NR2C2: variants seen among roughly 807,000 people sequenced by gnomAD.
The protein encoded by NR2C2 is Nuclear hormone receptor TR4.
In NR2C2, 6 loss-of-function variants were observed where a neutral mutation model predicts 62.9. That is an observed-to-expected ratio of 0.10 (90% CI 0.05 to 0.19). NR2C2 has a LOEUF of 0.19. Among genes scored for constraint, NR2C2 ranks in the 10% least tolerant of loss-of-function variants. The pLI is 1.00. For synonymous variants in NR2C2, 272 were observed against 273.8 expected (o/e 0.99, Z 0.07); for missense variants, 479 against 762.7 (o/e 0.63, Z 4.38).
chr3:15,012,852 G>T (rs898410497), intron 2 of NR2C2, among the ~76,000 whole-genome samples: 11 of 152,240 alleles, frequency 7.2e-5, no homozygotes, highest in Non-Finnish European at 1.6e-4. Flanking sequence ...CAAGGACTGT[G>T]TGAAGAAGTG....
chr3:14,971,615 G>T (rs1308527441), intron 1 of NR2C2, among the ~76,000 whole-genome samples: 3 of 151,500 alleles, frequency 2.0e-5, no homozygotes, highest in East Asian at 3.9e-4. Flanking sequence ...GTGCACAAGG[G>T]TTCTAGTTTC....
At chr3:15,038,837 G>A (rs2042175321) in intron 12 of NR2C2, 2 of 310,980 alleles carry the variant, frequency 6.4e-6, no homozygotes, top group East Asian at 5.2e-5. Flanking sequence ...TTAAAACTAT[G>A]TGTTTTCTAG....
At chr3:14,993,297 T>TA (rs1401289331) in intron 1 of NR2C2, among the ~76,000 whole-genome samples, 1 of 151,790 alleles carries the variant, frequency 6.6e-6, no homozygotes, top group Non-Finnish European at 1.5e-5. Flanking sequence ...CTACTAAAAA[T>TA]ACAAAAATTA....
At chr3:14,968,321 A>G (rs1416239188) in intron 1 of NR2C2, among the ~76,000 whole-genome samples, 3 of 152,230 alleles carry the variant, frequency 2.0e-5, no homozygotes, top group Non-Finnish European at 2.9e-5. Context: ...AAAAGTGGGC[A>G]AAGGACATGA....
At chr3:15,032,562 C>A in intron 10 of NR2C2, 62 bp downstream of exon 10, 1 of 1,599,606 alleles carries the variant, frequency 6.3e-7, no homozygotes, top group East Asian at 2.2e-5. Flanking sequence ...CTAGGAATGA[C>A]CTGGAAGAAC....
intron 1 of NR2C2, among the ~76,000 whole-genome samples, chr3:14,974,251 GTC>G (rs1217634228): frequency 1.3e-5 from 2 of 152,116 alleles, no homozygotes; most frequent in Non-Finnish European, 2.9e-5. Context: ...TTGTTTGTAT[GTC>G]TCTCTTTATG....
intron 13 of NR2C2, among the ~76,000 whole-genome samples, chr3:15,040,639 G>C (rs1361597203): frequency 6.6e-6 from 1 of 152,228 alleles, no homozygotes; most frequent in Non-Finnish European, 1.5e-5. Context: ...CTTATGGCTG[G>C]CTGGTCCTGC....
chr3:14,973,758 GCTCT>G lies in NR2C2; in HGVS notation c.-40+25858_-40+25861del, dbSNP rs1054358841. The stretch of plus-strand genomic sequence containing the variant: ...ACATATATTCACAGATTTATTTCTG[GCTCT>G]CTCTCCTTTTTTTTTCCTCTAATAT... On this transcript the variant is annotated intron_variant, in intron 1 of 13. Coordinates refer to ENST00000425241, the MANE Select transcript of NR2C2 (RefSeq NM_001291694.2). Among the ~76,000 whole-genome samples the G allele has an allele frequency of 2.2e-4, 33 of 151,980 alleles. 1 individual carries two copies. Among genetic ancestry groups the G allele is most frequent in the African/African-American group, 7.0e-4 (29 of 41,428 alleles).
intron 1 of NR2C2, among the ~76,000 whole-genome samples, chr3:14,951,791 A>G (rs2039369659): frequency 6.6e-6 from 1 of 151,838 alleles, no homozygotes; most frequent in Non-Finnish European, 1.5e-5. Flanking sequence ...TCTGTCACCC[A>G]GGCTGGAGTG....
chr3:14,963,561 T>C (rs957381759), intron 1 of NR2C2, among the ~76,000 whole-genome samples: 2 of 152,078 alleles, frequency 1.3e-5, no homozygotes, highest in Non-Finnish European at 2.9e-5. Context: ...CTCCGCTTCC[T>C]GGGTTCACAC....
At chr3:15,032,231 G>T in intron 9 of NR2C2, 148 bp from the exon 10 acceptor site, 1 of 1,078,954 alleles carries the variant, frequency 9.3e-7, no homozygotes, top group Non-Finnish European at 1.4e-6. Flanking sequence ...GGGAGTCCGT[G>T]CAAGCCCCCC....
intron 1 of NR2C2, among the ~76,000 whole-genome samples, chr3:14,979,183 TC>T (rs1197055479): frequency 6.6e-6 from 1 of 152,210 alleles, no homozygotes; most frequent in African/African-American, 2.4e-5. Context: ...TTGTTTTTGT[TC>T]CTTTACTCAT....
chr3:15,011,170 CA>C (rs1403406543), intron 2 of NR2C2, among the ~76,000 whole-genome samples: 3 of 151,984 alleles, frequency 2.0e-5, no homozygotes, highest in Admixed American at 1.3e-4. Flanking sequence ...TCCATCTCCA[CA>C]AAAAAATTTT....
chr3:15,020,664 G>A (rs551072416), intron 4 of NR2C2, 89 bp from the exon 5 acceptor site: 12 of 1,470,524 alleles, frequency 8.2e-6, no homozygotes, highest in Non-Finnish European at 1.1e-5. Context: ...TCACTTCAAT[G>A]AGACTTGCAC....
intron 9 of NR2C2, among the ~76,000 whole-genome samples, chr3:15,031,091 C>T (rs988095381): frequency 7.2e-5 from 11 of 152,178 alleles, no homozygotes; most frequent in Non-Finnish European, 1.6e-4. Context: ...GACTGCCTGG[C>T]TGCCCCATGG....
intron 1 of NR2C2, among the ~76,000 whole-genome samples, chr3:14,952,322 T>C (rs561027711): frequency 1.1e-4 from 17 of 152,004 alleles, no homozygotes; most frequent in Non-Finnish European, 2.1e-4. Context: ...ACTGAGCCAC[T>C]GGTCTGTGTC....
chr3:14,958,847 A>G (rs903093871), intron 1 of NR2C2, among the ~76,000 whole-genome samples: 3 of 152,184 alleles, frequency 2.0e-5, no homozygotes, highest in Non-Finnish European at 4.4e-5. Context: ...ATGGTGGCGC[A>G]TGCCTGTAAT....
intron 1 of NR2C2, among the ~76,000 whole-genome samples, chr3:14,952,469 G>T (rs2039395340): frequency 6.6e-6 from 1 of 152,094 alleles, no homozygotes; most frequent in African/African-American, 2.4e-5. Context: ...AATACCACAC[G>T]GGGGGAGTCC....
chr3:15,013,649 G>A lies in NR2C2; in HGVS notation c.133G>A (p.Gly45Arg), dbSNP rs145012695. 21 of 1,614,078 alleles carry A rather than the reference G, an allele frequency of 1.3e-5. No individual in the cohort carries two copies. The highest frequency in any genetic ancestry group is 2.2e-5 in the East Asian group (1 of 44,858). The change falls in exon 3 of 14, where the codon GGA becomes AGA. Residue 45 changes from glycine (G) to arginine (R), a missense_variant. By Grantham distance (125) the Gly-to-Arg change is moderately radical. Transcript: ENST00000425241. Reference sequence around the variant, plus strand: ...GATAGTCACCGCAGTGGACGCCTCCGGATCCCCCAAACAGCAGTTCATCCT... The same window carrying A: ...GATAGTCACCGCAGTGGACGCCTCCAGATCCCCCAAACAGCAGTTCATCCT... ...IQIVTAVDAS[G>R]SPKQQFILTS...
Sources: allele counts gnomAD v4.1 joint callset (sites outside exome capture counted in the v4.1 genomes callset), GRCh38; gene constraint gnomAD v4.1.1; transcripts MANE v1.5; gene names NCBI Gene and HGNC (gene_info 2026-07-23, HGNC 2026-07-21).